The following TBC1D5 variants were observed in gnomAD, a reference collection of about 807,000 sequenced individuals.
TBC1D5 encodes TBC1 domain family, member 5.
Under a neutral mutation model 100.3 loss-of-function variants are expected in TBC1D5, and 75 were observed. The ratio of observed to expected loss-of-function variants is 0.75; its 90% CI spans 0.62 to 0.91. TBC1D5 has a LOEUF of 0.91. TBC1D5 is among the 40% of genes least tolerant of loss of function. The pLI is 0.00. For synonymous variants in TBC1D5, 323 were observed against 325.6 expected (o/e 0.99, Z 0.09); for missense variants, 910 against 942.4 (o/e 0.97, Z 0.45).
chr3:17,705,077 G>T (rs2073873705), intron 1 of TBC1D5, among the ~76,000 whole-genome samples: 1 of 130,298 alleles, frequency 7.7e-6, no homozygotes, highest in African/African-American at 2.8e-5. Context: ...CCTCCCGGAC[G>T]GCACGGCTGG....
intron 13 of TBC1D5, among the ~76,000 whole-genome samples, chr3:17,315,820 G>A (rs1337331166): frequency 1.3e-5 from 2 of 152,182 alleles, no homozygotes; most frequent in African/African-American, 4.8e-5. Flanking sequence ...AAAGTAGCCA[G>A]GGGAAAGATA....
intron 15 of TBC1D5, among the ~76,000 whole-genome samples, chr3:17,280,936 G>T (rs1263524452): frequency 6.6e-6 from 1 of 152,158 alleles, no homozygotes; most frequent in Non-Finnish European, 1.5e-5. Context: ...CTGCAGTGGG[G>T]CCCGCATGGA....
intron 2 of TBC1D5, among the ~76,000 whole-genome samples, chr3:17,580,225 T>TA (rs919805620): frequency 1.4e-4 from 21 of 152,144 alleles, no homozygotes; most frequent in Admixed American, 8.5e-4. Flanking sequence ...CTTGAAACTT[T>TA]AAAAAAAATC....
intron 5 of TBC1D5, among the ~76,000 whole-genome samples, chr3:17,405,213 T>C (rs1250405311): frequency 6.6e-6 from 1 of 152,000 alleles, no homozygotes; most frequent in African/African-American, 2.4e-5. Flanking sequence ...CAAGCTCCCC[T>C]TCAGATTTAC....
chr3:17,324,509 T>C (rs1458847183), intron 13 of TBC1D5, among the ~76,000 whole-genome samples: 1 of 152,030 alleles, frequency 6.6e-6, no homozygotes, highest in Non-Finnish European at 1.5e-5. Flanking sequence ...CCGGGTGTAG[T>C]GGTGGGCATC....
intron 13 of TBC1D5, among the ~76,000 whole-genome samples, chr3:17,351,945 A>C (rs557594311): frequency 2.7e-5 from 4 of 150,852 alleles, no homozygotes; most frequent in South Asian, 2.1e-4. Flanking sequence ...TTTTCCCCCC[A>C]AAAAAACCCT....
At chr3:17,271,997 T>G (rs914514857) in intron 15 of TBC1D5, among the ~76,000 whole-genome samples, 7 of 152,164 alleles carry the variant, frequency 4.6e-5, no homozygotes, top group African/African-American at 1.7e-4. Context: ...AAATATCACC[T>G]ACACAGGGAA....
At chr3:17,430,026 C>T (rs1380044229) in intron 3 of TBC1D5, among the ~76,000 whole-genome samples, 1 of 151,642 alleles carries the variant, frequency 6.6e-6, no homozygotes, top group Non-Finnish European at 1.5e-5. Context: ...TAAAATTAAC[C>T]TAGCTAGGTA....
chr3:17,480,841 C>T (rs2095493330), intron 3 of TBC1D5, among the ~76,000 whole-genome samples: 2 of 152,228 alleles, frequency 1.3e-5, no homozygotes, highest in Non-Finnish European at 2.9e-5. Flanking sequence ...TGAAGCTCCT[C>T]TCTGCCTTGC....
intron 13 of TBC1D5, among the ~76,000 whole-genome samples, chr3:17,311,617 T>C (rs1350844014): frequency 6.6e-6 from 1 of 152,072 alleles, no homozygotes; most frequent in Non-Finnish European, 1.5e-5. Flanking sequence ...GACTGAGCTT[T>C]AAATAAACAT....
intron 2 of TBC1D5, among the ~76,000 whole-genome samples, chr3:17,612,327 G>C (rs1433600087): frequency 2.0e-5 from 3 of 146,898 alleles, no homozygotes; most frequent in African/African-American, 7.5e-5. Context: ...GAATTGAAAA[G>C]AAGAAATAAA....
intron 18 of TBC1D5, among the ~76,000 whole-genome samples, chr3:17,194,035 T>A (rs2070326804): frequency 6.6e-6 from 1 of 152,234 alleles, no homozygotes; most frequent in African/African-American, 2.4e-5. Context: ...GGGGATCTTG[T>A]TAAAATGCAG....
At chr3:17,633,170 C>T (rs887070120) in intron 1 of TBC1D5, among the ~76,000 whole-genome samples, 1 of 152,184 alleles carries the variant, frequency 6.6e-6, no homozygotes, top group African/African-American at 2.4e-5. Flanking sequence ...TGCACGGTGA[C>T]CCATGCCTGT....
At chr3:17,553,401 A>G (rs766240101) in intron 2 of TBC1D5, among the ~76,000 whole-genome samples, 4 of 152,230 alleles carry the variant, frequency 2.6e-5, no homozygotes, top group Non-Finnish European at 5.9e-5. Flanking sequence ...CACATTGCTG[A>G]AAAAAGTAGG....
chr3:17,415,987 A>G (rs922893523), intron 4 of TBC1D5, among the ~76,000 whole-genome samples: 32 of 152,228 alleles, frequency 2.1e-4, no homozygotes, highest in Non-Finnish European at 4.0e-4. Context: ...AGGCTGGTAG[A>G]ATAGAGAATA....
chr3:17,506,338 T>C (rs2095845066), intron 3 of TBC1D5, among the ~76,000 whole-genome samples: 1 of 152,218 alleles, frequency 6.6e-6, no homozygotes, highest in African/African-American at 2.4e-5. Context: ...TTAGTAACCT[T>C]TATGGCTTTG....
At position 17,174,884 on chromosome 3, in the gene TBC1D5, GC is replaced by G. The variant is rs1401665823; in HGVS notation, c.1853-7057del. 4.6e-5 allele frequency among the ~76,000 whole-genome samples: 7 copies of G among 152,268 alleles called. No homozygotes were observed. The South Asian group carries it at 1.5e-3, about 32-fold the overall frequency. ...TGGGATTACAGACATGAGCCACCAT[GC>G]CCAGCCAGAACTGTTTTTACATGAG... On this transcript the variant is annotated intron_variant, in intron 19 of 21. Transcript: ENST00000253692.
At chr3:17,353,041 C>CT (rs1244071756) in intron 13 of TBC1D5, among the ~76,000 whole-genome samples, 1 of 152,074 alleles carries the variant, frequency 6.6e-6, no homozygotes, top group Non-Finnish European at 1.5e-5. Flanking sequence ...GTAATCCATT[C>CT]TGTCACTGTG....
chr3:17,692,332 T>G (rs530382316), intron 1 of TBC1D5, among the ~76,000 whole-genome samples: 1 of 152,212 alleles, frequency 6.6e-6, no homozygotes, highest in Non-Finnish European at 1.5e-5. Context: ...TCTCAGGTGA[T>G]CCACCCGCCT....
Sources: allele counts gnomAD v4.1 joint callset (sites outside exome capture counted in the v4.1 genomes callset), GRCh38; gene constraint gnomAD v4.1.1; transcripts MANE v1.5; gene names NCBI Gene and HGNC (gene_info 2026-07-23, HGNC 2026-07-21).